Variants in MYO5B observed in about 807,000 individuals in gnomAD.
The protein encoded by MYO5B is myosin VB.
MYO5B carries 143 observed loss-of-function variants against 229.3 expected under a neutral mutation model. The observed-to-expected ratio is 0.62, with a 90% CI of 0.54 to 0.72. MYO5B has a LOEUF of 0.72. Ranked by LOEUF, MYO5B falls within the 30% of genes least tolerant of loss-of-function variation. The pLI is 0.00. For synonymous variants in MYO5B, 918 were observed against 885.2 expected, an observed-to-expected ratio of 1.04 and a Z score of -0.66; for missense variants, 2,321 against 2,331.0, an observed-to-expected ratio of 1.00 and a Z score of 0.09.
chr18:49,909,358 G>A (rs1438535457), intron 18 of MYO5B, among the ~76,000 whole-genome samples: 4 of 152,226 alleles, frequency 2.6e-5, no homozygotes, highest in Non-Finnish European at 5.9e-5. Context: ...CTGGATCAGA[G>A]GGCAATGTAG....
At chr18:50,021,478 C>T (rs1162334061) in intron 4 of MYO5B, among the ~76,000 whole-genome samples, 2 of 152,120 alleles carry the variant, frequency 1.3e-5, no homozygotes, top group Admixed American at 6.5e-5. Context: ...GCTGCCCTTC[C>T]ACAATCCTGG....
At chr18:50,185,752 G>C (rs2033139260) in intron 1 of MYO5B, among the ~76,000 whole-genome samples, 9 of 152,186 alleles carry the variant, frequency 5.9e-5, no homozygotes, top group Non-Finnish European at 7.3e-5. Flanking sequence ...ACAGTATATG[G>C]CATCAGATCT....
At chr18:49,860,562 C>G (rs1326215096) in intron 29 of MYO5B, among the ~76,000 whole-genome samples, 1 of 152,140 alleles carries the variant, frequency 6.6e-6, no homozygotes, top group Non-Finnish European at 1.5e-5. Context: ...GAGTTCAAAA[C>G]AAGGGAAAAG....
At chr18:49,943,115 G>C (rs967796409) in intron 14 of MYO5B, among the ~76,000 whole-genome samples, 1 of 149,664 alleles carries the variant, frequency 6.7e-6, no homozygotes, top group Non-Finnish European at 1.5e-5. Flanking sequence ...CTATCACAAG[G>C]ACAAAAAACC....
chr18:49,864,026 G>A (rs906710696), intron 28 of MYO5B, 115 bp downstream of exon 28: 1 of 1,501,194 alleles, frequency 6.7e-7, no homozygotes, highest in East Asian at 2.3e-5. Context: ...CCCACAGCGA[G>A]AGACTCTGCT....
chr18:50,114,769 T>C (rs527265592), intron 1 of MYO5B, among the ~76,000 whole-genome samples: 1 of 152,260 alleles, frequency 6.6e-6, no homozygotes, highest in South Asian at 2.1e-4. Context: ...GGGCAGGAAG[T>C]GTGGGGAAGA....
chr18:49,879,071 A>G lies in MYO5B; in HGVS notation c.3150T>C (p.Ser1050=), dbSNP rs1163445641. The G allele has an allele frequency of 6.2e-6, 10 of 1,614,104 alleles. No individual in the cohort carries two copies. Among genetic ancestry groups the G allele is most frequent in the Non-Finnish European group, 8.5e-6 (10 of 1,180,030 alleles). ...CQSKDEFAQN[S]VKENLMKKEL... is the part of the protein sequence containing the mutation. ...CTTTCTTCATGAGATTTTCCTTCACAGAGTTCTGGGCAAATTCATCTGGAA... is the reference window on the plus strand; with the variant it reads ...CTTTCTTCATGAGATTTTCCTTCACGGAGTTCTGGGCAAATTCATCTGGAA... Residue 1050 remains serine (S), a synonymous_variant, in exon 24 of 40, where the codon TCT becomes TCC. Transcript: ENST00000285039.
chr18:49,911,995 G>GA, intron 18 of MYO5B, 67 bp downstream of exon 18: 1 of 1,201,116 alleles, frequency 8.3e-7, no homozygotes, highest in South Asian at 1.2e-5. Context: ...TGTAGATAAC[G>GA]ACGCCACCCC....
At chr18:49,945,763 A>AGGAGG in intron 14 of MYO5B, among the ~76,000 whole-genome samples, 1 of 129,342 alleles carries the variant, frequency 7.7e-6, no homozygotes, top group East Asian at 2.1e-4. Context: ...GGGGAGGAGG[A>AGGAGG]GGAGGAGGAG....
intron 1 of MYO5B, among the ~76,000 whole-genome samples, chr18:50,087,790 C>A (rs1273680248): frequency 2.0e-5 from 3 of 151,984 alleles, no homozygotes; most frequent in Non-Finnish European, 4.4e-5. Context: ...TGATGAGGCA[C>A]CCTTCCCAAA....
Position 50,040,293 on chromosome 18 carries a change from C to T in MYO5B, c.160G>A (p.Val54Ile), listed in dbSNP as rs375051142. 1.5e-4 allele frequency: 238 copies of T among 1,613,928 alleles called. No homozygotes were observed. The highest frequency in any genetic ancestry group is 1.8e-4 in the Non-Finnish European group (217 of 1,180,016). Residue 54 changes from valine to isoleucine, a missense_variant, in exon 3 of 40, where the codon GTA becomes ATA. Coordinates refer to ENST00000285039, the MANE Select transcript of MYO5B (RefSeq NM_001080467.3). ...AAGAAGGGCAGCTGGTTGCGTTGTA[C>T]ATCAATTGGGTATTCCAGAATCTAA... is the stretch of plus-strand genomic sequence containing the variant. The part of the protein sequence containing the change: ...DETILEYPID[V>I]QRNQLPFLRN...
intron 29 of MYO5B, among the ~76,000 whole-genome samples, chr18:49,859,402 A>G (rs2024301875): frequency 6.6e-6 from 1 of 152,206 alleles, no homozygotes; most frequent in Non-Finnish European, 1.5e-5. Flanking sequence ...ACAGTTAAGA[A>G]CCTGCCTTCC....
rs2031297712 is a variant in MYO5B at position 50,084,852 on chromosome 18, G to A, written c.28-29474C>T. Among the ~76,000 whole-genome samples the A allele has an allele frequency of 3.9e-5, 6 of 152,248 alleles. No individual in the cohort carries two copies. In the South Asian group the frequency reaches 1.2e-3, roughly 32 times the overall value. On this transcript the variant is annotated intron_variant, in intron 1 of 39. Transcript: ENST00000285039. ...TTAATAAATGGTGCTGGGAAAACTG[G>A]CTAGCCATATGTAGAAAGCTGAAAC...
chr18:49,843,186 G>T, intron 34 of MYO5B, 55 bp downstream of exon 34: 4 of 1,606,278 alleles, frequency 2.5e-6, no homozygotes, highest in Non-Finnish European at 3.4e-6. Context: ...CAACAGTAAG[G>T]GGCTGGCTTC....
chr18:49,956,527 T>G (rs1367292992), intron 12 of MYO5B, among the ~76,000 whole-genome samples: 1 of 152,104 alleles, frequency 6.6e-6, no homozygotes, highest in African/African-American at 2.4e-5. Flanking sequence ...AAGGTGCTTA[T>G]CTCCAAAAAT....
intron 5 of MYO5B, among the ~76,000 whole-genome samples, chr18:50,000,801 G>A (rs909612411): frequency 1.3e-5 from 2 of 152,116 alleles, no homozygotes; most frequent in African/African-American, 2.4e-5. Context: ...TTACCTCCCC[G>A]CTAAAAAGAT....
intron 2 of MYO5B, among the ~76,000 whole-genome samples, chr18:50,051,538 G>A (rs1397781911): frequency 6.6e-6 from 1 of 152,244 alleles, no homozygotes; most frequent in Admixed American, 6.5e-5. Flanking sequence ...GGCCTGCACA[G>A]AGGTGCTCCA....
chr18:50,094,297 GT>G (rs2031508236), intron 1 of MYO5B, among the ~76,000 whole-genome samples: 1 of 152,140 alleles, frequency 6.6e-6, no homozygotes, highest in Non-Finnish European at 1.5e-5. Flanking sequence ...CACTGTTTAA[GT>G]AAGCAAAAGG....
intron 30 of MYO5B, 137 bp downstream of exon 30, chr18:49,856,676 C>A: frequency 1.3e-6 from 1 of 766,810 alleles, no homozygotes; most frequent in Non-Finnish European, 2.3e-6. Flanking sequence ...GATGGTCAAC[C>A]ACAGGGGCTA....
Sources: gnomAD v4.1 joint callset for allele counts (sites outside exome capture counted in the v4.1 genomes callset) on GRCh38, gnomAD v4.1.1 for gene constraint, MANE v1.5 for transcripts, NCBI Gene and HGNC (gene_info 2026-07-23, HGNC 2026-07-21) for gene names.